The following BPTF variants were observed in gnomAD, a reference collection of about 807,000 sequenced individuals.
BPTF encodes bromodomain PHD finger transcription factor, also known as nucleosome-remodeling factor subunit BPTF.
A neutral mutation model predicts 292.5 loss-of-function variants in BPTF; 18 were observed. The observed-to-expected ratio is 0.06, with a 90% CI of 0.04 to 0.09. BPTF has a LOEUF of 0.09. BPTF is among the 10% of genes least tolerant of loss of function. The pLI, the probability that BPTF is intolerant of heterozygous loss-of-function variation, is 1.00. For missense variants in BPTF, 2,726 were observed against 3,498.7 expected (o/e 0.78, Z 5.57); for synonymous variants, 1,225 against 1,251.9 (o/e 0.98, Z 0.45).
chr17:67,939,596 G>A (rs2065199602), intron 18 of BPTF, among the ~76,000 whole-genome samples: 1 of 152,168 alleles, frequency 6.6e-6, no homozygotes, highest in Non-Finnish European at 1.5e-5. Context: ...GCATTATTTG[G>A]GCCAGGTGAG....
At chr17:67,847,474 ACTGCACTCCAG>A (rs2058104944) in intron 1 of BPTF, among the ~76,000 whole-genome samples, 1 of 151,896 alleles carries the variant, frequency 6.6e-6, no homozygotes, top group African/African-American at 2.4e-5. Context: ...AGGTCGCGCC[ACTGCACTCCAG>A]CGTGGGTGAC....
At chr17:67,872,508 C>A (rs1249157700) in intron 3 of BPTF, among the ~76,000 whole-genome samples, 2 of 151,938 alleles carry the variant, frequency 1.3e-5, no homozygotes, top group Non-Finnish European at 2.9e-5. Flanking sequence ...GAGTTTGAGA[C>A]CAGCATGGCC....
intron 19 of BPTF, among the ~76,000 whole-genome samples, chr17:67,943,676 C>A (rs531258086): frequency 6.6e-6 from 1 of 152,086 alleles, no homozygotes; most frequent in Non-Finnish European, 1.5e-5. Flanking sequence ...GGTACTTGAC[C>A]TTTCTAACCT....
chr17:67,825,708 C>A lies in BPTF; in HGVS notation c.-17C>A, dbSNP rs1483258751. The A allele has an allele frequency of 3.4e-5, 36 of 1,050,054 alleles. No individual in the cohort carries two copies. The highest frequency in any genetic ancestry group is 4.0e-5 in the Non-Finnish European group (35 of 870,578). 65.0% of individuals were successfully genotyped at this position (1,050,054 alleles called of 1,614,324 possible). A position where few individuals can be genotyped will look rare whatever the true frequency, so the allele number is the denominator to read the frequency against. On this transcript the variant is annotated 5_prime_UTR_variant, in exon 1 of 28. Coordinates refer to ENST00000306378, the MANE Select transcript of BPTF (RefSeq NM_182641.4). ...CCTCCCCCTTCGCTTTCCTTCTCCC[C>A]CCGCCTCGGCTCCGACATGAGGGGC...
chr17:67,856,718 G>T (rs2058713050), intron 2 of BPTF, among the ~76,000 whole-genome samples: 1 of 152,158 alleles, frequency 6.6e-6, no homozygotes, highest in Non-Finnish European at 1.5e-5. Flanking sequence ...AAGCATGAAG[G>T]TCTTGCTGGT....
rs930465243 is a variant in BPTF at position 67,940,594 on chromosome 17, C to T, written c.6415C>T (p.Arg2139Cys). Residue 2139 changes from arginine (R) to cysteine (C), a missense_variant, in exon 19 of 28, where the codon CGC (arginine) becomes TGC (cysteine). By Grantham distance (180) the Arg-to-Cys change is radical. Coordinates refer to ENST00000306378, the MANE Select transcript of BPTF (RefSeq NM_182641.4). ...ACAGTCTTCAGCCTCACAACCCCCT[C>T]GCCCCCAACAAGGACAAGTGAAGCT... The part of the protein sequence containing the change: ...NIQSSASQPP[R>C]PQQGQVKLTM... 7 of 1,614,114 alleles carry T rather than the reference C, an allele frequency of 4.3e-6. No individual in the cohort carries two copies. The highest frequency in any genetic ancestry group is 3.3e-4 in the Middle Eastern group (2 of 6,062).
chr17:67,974,965 G>A (rs1258148193), intron 26 of BPTF: 1 of 152,190 alleles, frequency 6.6e-6, no homozygotes, highest in Non-Finnish European at 1.5e-5. Context: ...GGGACTAAAA[G>A]TCCCAACCCT....
intron 2 of BPTF, among the ~76,000 whole-genome samples, chr17:67,862,308 T>C (rs1289086818): frequency 2.0e-5 from 3 of 152,142 alleles, no homozygotes; most frequent in African/African-American, 4.8e-5. Context: ...TATTATACAC[T>C]TCATAAGGTG....
At chr17:67,975,663 T>C (rs1289029249) in intron 26 of BPTF, 109 bp from the exon 27 acceptor site, 2 of 954,846 alleles carry the variant, frequency 2.1e-6, no homozygotes, top group Non-Finnish European at 3.0e-6. Context: ...CCAGCCTGGC[T>C]CCAGGACTGC....
At chr17:67,946,371 T>C in intron 21 of BPTF, 46 bp downstream of exon 21, 1 of 1,591,730 alleles carries the variant, frequency 6.3e-7, no homozygotes, top group Non-Finnish European at 8.6e-7. Context: ...CTTGAATTAT[T>C]GTGCTGTGCA....
intron 26 of BPTF, chr17:67,974,515 CA>C (rs2148584376): frequency 6.6e-6 from 1 of 152,366 alleles, no homozygotes; most frequent in South Asian, 2.1e-4. Context: ...ACTCAGTCCC[CA>C]AGATTACCCC....
chr17:67,960,017 G>A, intron 24 of BPTF, 142 bp downstream of exon 24: 1 of 667,526 alleles, frequency 1.5e-6, no homozygotes, highest in East Asian at 3.0e-5. Context: ...GGTCTTGCAT[G>A]TGATATTCTT....
intron 4 of BPTF, among the ~76,000 whole-genome samples, chr17:67,890,870 G>A (rs1009898489): frequency 6.6e-5 from 10 of 151,992 alleles, no homozygotes; most frequent in Non-Finnish European, 8.8e-5. Context: ...GTGCCACAGT[G>A]TCTTCATTTT....
Position 67,866,679 on chromosome 17 carries a change from C to A in BPTF, c.1652C>A (p.Ala551Glu), listed in dbSNP as rs1329731039. 8 of 1,612,394 alleles carry A rather than the reference C, an allele frequency of 5.0e-6. No homozygotes were observed. The highest frequency in any genetic ancestry group is 5.1e-6 in the Non-Finnish European group (6 of 1,178,640). Residue 551 changes from alanine (A) to glutamate (E), a missense_variant, in exon 3 of 28, where the codon GCA (alanine) becomes GAA (glutamate). Ala to Glu is a moderately radical substitution (Grantham distance 107). Coordinates refer to ENST00000306378, the MANE Select transcript of BPTF (RefSeq NM_182641.4). The part of the protein sequence containing the change: ...ARGSNKSFLA[A>E]ANEEILESIR... ...GGCAGTAACAAATCCTTTCTGGCGG[C>A]AGCTAATGGTGAGAGGGGCATTTTC...
At chr17:67,872,725 A>G (rs1467596995) in intron 3 of BPTF, among the ~76,000 whole-genome samples, 2 of 152,196 alleles carry the variant, frequency 1.3e-5, no homozygotes, top group Non-Finnish European at 2.9e-5. Context: ...GAAAGAAAGA[A>G]AAAAGGAAAT....
At chr17:67,873,609 T>C (rs968760255) in intron 3 of BPTF, among the ~76,000 whole-genome samples, 10 of 152,166 alleles carry the variant, frequency 6.6e-5, no homozygotes, top group Admixed American at 1.3e-4. Context: ...TAACTAGATA[T>C]GTTATAGATA....
At chr17:67,910,366 G>A (rs1032343492) in intron 10 of BPTF, among the ~76,000 whole-genome samples, 6 of 152,058 alleles carry the variant, frequency 3.9e-5, no homozygotes, top group Non-Finnish European at 5.9e-5. Flanking sequence ...TTCTCTTGGC[G>A]ATATACCTAG....
rs558077845 is a variant in BPTF at position 67,973,258 on chromosome 17, T to C, written c.8540-2514T>C. 2.6e-3 allele frequency among the ~76,000 whole-genome samples: 393 copies of C among 150,078 alleles called. 3 individuals are homozygous for C. The highest frequency in any genetic ancestry group is 9.1e-3 in the African/African-American group (373 of 41,040). ...GCATGGTGGCAGATGCCTGTAGTCC[T>C]AGCTACTCCAGAGGCTGAGGCAGGA... On this transcript the variant is annotated intron_variant, in intron 26 of 27. Transcript: ENST00000306378.
intron 1 of BPTF, among the ~76,000 whole-genome samples, chr17:67,838,538 A>G (rs1441614300): frequency 6.6e-6 from 1 of 152,090 alleles, no homozygotes; most frequent in Non-Finnish European, 1.5e-5. Flanking sequence ...GTGCAGTGGC[A>G]CAATCTTGGC....
Sources: allele counts gnomAD v4.1 joint callset (sites outside exome capture counted in the v4.1 genomes callset), GRCh38; gene constraint gnomAD v4.1.1; transcripts MANE v1.5; gene names NCBI Gene and HGNC (gene_info 2026-07-23, HGNC 2026-07-21).